RAD51B: variants seen among roughly 807,000 people sequenced by gnomAD.
The protein encoded by RAD51B is RAD51 paralog B, also known as DNA repair protein RAD51 homolog 2.
A neutral mutation model predicts 42.2 loss-of-function variants in RAD51B; 38 were observed. The observed-to-expected ratio is 0.90, with a 90% confidence interval of 0.70 to 1.18. The LOEUF is 1.18. Ranked by LOEUF, RAD51B falls within the 50% of genes most tolerant of loss-of-function variation. The pLI is 0.00. For synonymous variants in RAD51B, 154 were observed against 145.2 expected (o/e 1.06, Z -0.43); for missense variants, 373 against 400.7 (o/e 0.93, Z 0.59).
intron 7 of RAD51B, among the ~76,000 whole-genome samples, chr14:68,244,882 G>A (rs887491918): frequency 1.3e-5 from 2 of 152,144 alleles, no homozygotes; most frequent in Non-Finnish European, 2.9e-5. Flanking sequence ...AAATGGCAAG[G>A]CACAGGTGTT....
intron 7 of RAD51B, among the ~76,000 whole-genome samples, chr14:67,892,425 A>G (rs919434639): frequency 1.3e-5 from 2 of 152,234 alleles, no homozygotes; most frequent in African/African-American, 4.8e-5. Flanking sequence ...ATACAATATT[A>G]TATTGTGCCA....
At chr14:67,970,062 C>T (rs2074865998) in intron 7 of RAD51B, among the ~76,000 whole-genome samples, 2 of 152,148 alleles carry the variant, frequency 1.3e-5, no homozygotes, top group Admixed American at 1.3e-4. Context: ...CCTAGCTCAT[C>T]ACTGTCTCAT....
downstream of RAD51B, among the ~76,000 whole-genome samples, chr14:68,481,908 G>A (rs1409308867): frequency 2.6e-5 from 4 of 152,180 alleles, no homozygotes; most frequent in Middle Eastern, 3.2e-3. Context: ...ACTCTGAGCA[G>A]TGATGCTCAG....
intron 7 of RAD51B, among the ~76,000 whole-genome samples, chr14:68,162,089 G>A (rs2078651767): frequency 6.6e-6 from 1 of 152,088 alleles, no homozygotes; most frequent in African/African-American, 2.4e-5. Context: ...TCAATTTCTC[G>A]GCTGTTACTA....
intron 7 of RAD51B, among the ~76,000 whole-genome samples, chr14:67,902,631 G>A (rs2043650179): frequency 6.6e-6 from 1 of 152,146 alleles, no homozygotes; most frequent in African/African-American, 2.4e-5. Context: ...TTAGTAGTTG[G>A]GGGCTAGTGT....
At chr14:68,671,328 T>C (rs1017400855) in intron 11 of RAD51B, among the ~76,000 whole-genome samples, 13 of 152,106 alleles carry the variant, frequency 8.5e-5, no homozygotes, top group African/African-American at 2.9e-4. Context: ...GAACTTACAG[T>C]GAAAAAGAAG....
chr14:67,904,560 G>T (rs2043719993), intron 7 of RAD51B, among the ~76,000 whole-genome samples: 1 of 146,170 alleles, frequency 6.8e-6, no homozygotes, highest in Non-Finnish European at 1.5e-5. Context: ...TGCCAGGCTG[G>T]TGTGCAGAGG....
At chr14:67,822,095 A>G (rs904476946) in intron 1 of RAD51B, 2 of 152,184 alleles carry the variant, frequency 1.3e-5, no homozygotes, top group Non-Finnish European at 2.9e-5. Flanking sequence ...ACAAATATAT[A>G]CATTCTCAGT....
At chr14:68,305,579 T>A (rs921467167) in intron 8 of RAD51B, among the ~76,000 whole-genome samples, 7 of 152,200 alleles carry the variant, frequency 4.6e-5, no homozygotes, top group Non-Finnish European at 8.8e-5. Flanking sequence ...TCTAATGAAT[T>A]GCCAGGATGA....
At chr14:67,951,296 TG>T (rs1185132117) in intron 7 of RAD51B, among the ~76,000 whole-genome samples, 7 of 150,694 alleles carry the variant, frequency 4.6e-5, no homozygotes, top group Non-Finnish European at 1.0e-4. Flanking sequence ...GGTCTGCAAT[TG>T]GGTGTAATAA....
At chr14:67,903,024 AT>A (rs1737844515) in intron 7 of RAD51B, among the ~76,000 whole-genome samples, 1 of 151,900 alleles carries the variant, frequency 6.6e-6, no homozygotes, top group Non-Finnish European at 1.5e-5. Flanking sequence ...TTAACAGCTA[AT>A]TTTTGTATTT....
chr14:68,560,214 C>A (rs973988170), intron 10 of RAD51B, among the ~76,000 whole-genome samples: 2 of 152,166 alleles, frequency 1.3e-5, no homozygotes, highest in Non-Finnish European at 2.9e-5. Flanking sequence ...GGTCTTGCCA[C>A]ATTCAAAGGT....
At chr14:68,632,813 T>C (rs575912291) in intron 10 of RAD51B, among the ~76,000 whole-genome samples, 57 of 151,960 alleles carry the variant, frequency 3.8e-4, no homozygotes, top group Non-Finnish European at 5.3e-4. Context: ...CCTTGCTCTG[T>C]TGCCCAGGCT....
intron 9 of RAD51B, among the ~76,000 whole-genome samples, chr14:68,425,936 T>TTTCCTTTC (rs1555407997): frequency 2.7e-5 from 2 of 73,880 alleles, no homozygotes; most frequent in Non-Finnish European, 6.1e-5. Context: ...AGGCCATTCT[T>TTTCCTTTC]TTTCTTTCTT....
intron 7 of RAD51B, among the ~76,000 whole-genome samples, chr14:68,214,484 A>T (rs1046136649): frequency 7.2e-5 from 11 of 152,158 alleles, no homozygotes; most frequent in African/African-American, 2.7e-4. Flanking sequence ...GGATGTCTAG[A>T]TTACTTCTAC....
At chr14:68,238,602 A>T (rs2080318015) in intron 7 of RAD51B, among the ~76,000 whole-genome samples, 1 of 152,156 alleles carries the variant, frequency 6.6e-6, no homozygotes, top group South Asian at 2.1e-4. Context: ...ACTGTGCCCA[A>T]CCATATTTAT....
intron 7 of RAD51B, among the ~76,000 whole-genome samples, chr14:68,101,730 C>T (rs1042786891): frequency 9.9e-5 from 15 of 152,238 alleles, no homozygotes; most frequent in Middle Eastern, 6.8e-3. Flanking sequence ...TCCAGGTGCA[C>T]GGTGCAAGCT....
At chr14:68,518,362 G>A (rs567068628) in intron 10 of RAD51B, among the ~76,000 whole-genome samples, 14 of 152,204 alleles carry the variant, frequency 9.2e-5, no homozygotes, top group Non-Finnish European at 2.9e-5. Context: ...TGTTCTGCCT[G>A]TGACTGCAGG....
At chr14:68,676,320 G>T (rs940616176) in intron 11 of RAD51B, among the ~76,000 whole-genome samples, 3 of 152,160 alleles carry the variant, frequency 2.0e-5, no homozygotes, top group Non-Finnish European at 4.4e-5. Flanking sequence ...CAGCAAGCTG[G>T]CTGTAGACCC....
Sources: gnomAD v4.1 joint callset for allele counts (sites outside exome capture counted in the v4.1 genomes callset) on GRCh38, gnomAD v4.1.1 for gene constraint, MANE v1.5 for transcripts, NCBI Gene and HGNC (gene_info 2026-07-23, HGNC 2026-07-21) for gene names.